The following CDH4 variants were observed in gnomAD, a reference collection of about 807,000 sequenced individuals.
The protein encoded by CDH4 is cadherin 4.
CDH4 carries 33 observed loss-of-function variants against 86.0 expected under a neutral mutation model. The observed-to-expected ratio is 0.38, with a 90% CI of 0.29 to 0.51. The LOEUF (loss-of-function observed/expected upper bound fraction) is 0.51, where lower values mean the gene tolerates loss of function less well. Ranked by LOEUF, CDH4 falls within the 20% of genes least tolerant of loss-of-function variation. The pLI, the probability that CDH4 is intolerant of heterozygous loss-of-function variation, is 0.86. For missense variants in CDH4, 1,114 were observed against 1,307.4 expected (o/e 0.85, Z 2.28); for synonymous variants, 555 against 549.4 (o/e 1.01, Z -0.14).
rs1288037693 is a variant in CDH4, at chr20:61,676,208, C to T, written c.170-67355C>T. ...TCCTTCCGTCATTCCCATTAACATTCGCCTGGTGTCAGGAACGGTCAGGAA... is the reference window on the plus strand; with the variant it reads ...TCCTTCCGTCATTCCCATTAACATTTGCCTGGTGTCAGGAACGGTCAGGAA... On this transcript the variant is annotated intron_variant, in intron 2 of 15. Transcript: ENST00000614565. This position sits in a 1 kb window ranked among gnomAD's most constrained non-coding sequence, Gnocchi z 4.5. Among the ~76,000 whole-genome samples, 3 of 152,194 alleles carry T rather than the reference C, an allele frequency of 2.0e-5. No individual in the cohort carries two copies. Among genetic ancestry groups the T allele is most frequent in the African/African-American group, 4.8e-5 (2 of 41,446 alleles).
chr20:61,680,495 A>G (rs2087499756), intron 2 of CDH4, among the ~76,000 whole-genome samples: 1 of 152,204 alleles, frequency 6.6e-6, no homozygotes, highest in Admixed American at 6.5e-5. Context: ...CTGTGACAGA[A>G]CAGTCAAGGG....
At chr20:61,625,529 C>T (rs552295218) in intron 2 of CDH4, among the ~76,000 whole-genome samples, 3 of 152,262 alleles carry the variant, frequency 2.0e-5, no homozygotes, top group Admixed American at 2.0e-4. Flanking sequence ...GAATAACGAT[C>T]ATCTGCTTAT....
chr20:61,891,494 C>G (rs1365554739), intron 7 of CDH4, among the ~76,000 whole-genome samples: 4 of 152,258 alleles, frequency 2.6e-5, no homozygotes, highest in Admixed American at 2.0e-4. Flanking sequence ...GGTGACTGAT[C>G]TGCTGCAGGG....
At chr20:61,588,624 TC>T (rs1183818749) in intron 2 of CDH4, among the ~76,000 whole-genome samples, 1 of 151,754 alleles carries the variant, frequency 6.6e-6, no homozygotes, top group Admixed American at 6.6e-5. Context: ...CCCAGGGCCC[TC>T]CCCCTCCCGA....
chr20:61,581,859 G>C (rs74455352), intron 2 of CDH4, among the ~76,000 whole-genome samples: 1,707 of 152,288 alleles, frequency 0.011, 32 homozygotes, highest in African/African-American at 0.039. Context: ...GTGGAATCGG[G>C]AATGTGGCAG....
chr20:61,764,776 T>C (rs939069563), intron 3 of CDH4, among the ~76,000 whole-genome samples: 1 of 152,194 alleles, frequency 6.6e-6, no homozygotes, highest in African/African-American at 2.4e-5. Flanking sequence ...TCCCCACTGC[T>C]GCCCACATCC....
At chr20:61,701,369 T>A (rs1472024185) in intron 2 of CDH4, among the ~76,000 whole-genome samples, 3 of 152,028 alleles carry the variant, frequency 2.0e-5, no homozygotes, top group Non-Finnish European at 2.9e-5. Context: ...AACAAGCGAG[T>A]GAATGGATGT....
intron 2 of CDH4, among the ~76,000 whole-genome samples, chr20:61,469,524 G>A (rs1053657755): frequency 6.6e-6 from 1 of 152,146 alleles, no homozygotes; most frequent in African/African-American, 2.4e-5. Context: ...TGTTCACTTT[G>A]TTGATTGTTT....
intron 2 of CDH4, among the ~76,000 whole-genome samples, chr20:61,575,183 A>T (rs2086373234): frequency 6.6e-6 from 1 of 152,196 alleles, no homozygotes; most frequent in Non-Finnish European, 1.5e-5. Context: ...TGAAGCCATT[A>T]CCAGGGCCTA....
intron 2 of CDH4, among the ~76,000 whole-genome samples, chr20:61,435,399 G>A (rs1343896502): frequency 6.6e-6 from 1 of 152,254 alleles, no homozygotes; most frequent in East Asian, 1.9e-4. Context: ...GAGACTCATA[G>A]CTGGGGCTGA....
intron 2 of CDH4, among the ~76,000 whole-genome samples, chr20:61,606,149 G>A (rs1421024226): frequency 2.6e-5 from 4 of 152,214 alleles, no homozygotes; most frequent in Admixed American, 2.6e-4. Flanking sequence ...GTGGTAGCCA[G>A]GGTTTGCAGG....
intron 2 of CDH4, among the ~76,000 whole-genome samples, chr20:61,502,270 A>T (rs2085708428): frequency 1.3e-5 from 2 of 152,182 alleles, no homozygotes; most frequent in Admixed American, 1.3e-4. Flanking sequence ...TCCTGCTGTA[A>T]GGTGCTTTTC....
At chr20:61,899,265 T>C (rs1318499515) in intron 8 of CDH4, among the ~76,000 whole-genome samples, 1 of 150,866 alleles carries the variant, frequency 6.6e-6, no homozygotes, top group African/African-American at 2.5e-5. Context: ...GATTGCACCA[T>C]TGCACACTAG....
At position 61,811,781 on chromosome 20, in the gene CDH4, C is replaced by T. The variant is rs1980449808; in HGVS notation, c.577-32887C>T. ...CTGCCTCCCGGGTTCAAGCAATTCTCCTGCCTCAGCCTCCCATGTAGCTGG... is the reference window on the plus strand; with the variant it reads ...CTGCCTCCCGGGTTCAAGCAATTCTTCTGCCTCAGCCTCCCATGTAGCTGG... On this transcript the variant is annotated intron_variant, in intron 4 of 15. Transcript: ENST00000614565. This position sits in a 1 kb window ranked among gnomAD's most constrained non-coding sequence, Gnocchi z 4.4. Among the ~76,000 whole-genome samples, 1 of 151,496 alleles carries T rather than the reference C, an allele frequency of 6.6e-6. No homozygotes were observed. The highest frequency in any genetic ancestry group is 1.5e-5 in the Non-Finnish European group (1 of 67,940).
At chr20:61,561,165 A>C (rs981541208) in intron 2 of CDH4, among the ~76,000 whole-genome samples, 1 of 152,084 alleles carries the variant, frequency 6.6e-6, no homozygotes, top group East Asian at 1.9e-4. Context: ...AGGAATTCAG[A>C]ATTATCTCTT....
At chr20:61,736,379 G>A (rs2145932467) in intron 2 of CDH4, among the ~76,000 whole-genome samples, 1 of 152,264 alleles carries the variant, frequency 6.6e-6, no homozygotes, top group Non-Finnish European at 1.5e-5. Flanking sequence ...GATGTCCACG[G>A]AAGGGTCCTG....
chr20:61,804,726 G>A (rs1050465557), intron 4 of CDH4, among the ~76,000 whole-genome samples: 63 of 152,332 alleles, frequency 4.1e-4, no homozygotes, highest in African/African-American at 1.5e-3. Context: ...GTCCAGAGGG[G>A]AGTCCCCGTG....
At chr20:61,863,312 G>A (rs896284336) in intron 6 of CDH4, among the ~76,000 whole-genome samples, 2 of 152,204 alleles carry the variant, frequency 1.3e-5, no homozygotes, top group East Asian at 3.9e-4. Flanking sequence ...GTCCCAACTC[G>A]CTGCTTCCTT....
At chr20:61,389,200 G>A (rs2084967624) in intron 2 of CDH4, among the ~76,000 whole-genome samples, 1 of 152,252 alleles carries the variant, frequency 6.6e-6, no homozygotes, top group Non-Finnish European at 1.5e-5. Flanking sequence ...ACTCGGAGGG[G>A]CAGGGAGGGG....
Sources: allele counts gnomAD v4.1 joint callset (sites outside exome capture counted in the v4.1 genomes callset), GRCh38; gene constraint gnomAD v4.1.1; non-coding constraint Gnocchi (gnomAD v3.1); transcripts MANE v1.5; gene names NCBI Gene and HGNC (gene_info 2026-07-23, HGNC 2026-07-21).